Variants in GPC4 observed in about 807,000 individuals in gnomAD.
The protein encoded by GPC4 is glypican 4.
In GPC4, 10 loss-of-function variants were observed where a neutral mutation model predicts 35.0. The ratio of observed to expected loss-of-function variants is 0.29; its 90% CI spans 0.18 to 0.48. GPC4 has a LOEUF of 0.48. Among genes scored for constraint, GPC4 ranks in the 20% least tolerant of loss-of-function variants. The pLI, the probability that GPC4 is intolerant of heterozygous loss-of-function variation, is 0.99. For synonymous variants in GPC4, 167 were observed against 170.2 expected (o/e 0.98, Z 0.15); for missense variants, 322 against 451.3 (o/e 0.71, Z 2.60).
In GPC4 at chrX:133,318,135, C is replaced by CCT. The variant is rs769198787; in HGVS notation, c.711+6008_711+6009dup. 2.1e-4 allele frequency among the ~76,000 whole-genome samples: 23 copies of CCT among 111,677 alleles called. No homozygotes were observed. The East Asian group carries it at 2.5e-3, about 12-fold the overall frequency. The stretch of plus-strand genomic sequence containing the variant: ...TTGACACCTCCTGTACTCCTACCAT[C>CCT]CTCACCCCTTCCCCACTCCATAGCT... On this transcript the variant is annotated intron_variant, in intron 3 of 8. Transcript: ENST00000370828.
At chrX:133,337,258 C>G (rs966106070) in intron 2 of GPC4, among the ~76,000 whole-genome samples, 1 of 112,280 alleles carries the variant, frequency 8.9e-6, no homozygotes, top group Non-Finnish European at 1.9e-5. Context: ...ACTTTCTATC[C>G]TTTTTAAAAA....
At chrX:133,408,406 T>C (rs1366972382) in intron 1 of GPC4, among the ~76,000 whole-genome samples, 1 of 112,231 alleles carries the variant, frequency 8.9e-6, no homozygotes, top group African/African-American at 3.2e-5. Flanking sequence ...TTTAAAGAAG[T>C]GTATCTCAAG....
At chrX:133,305,979 G>C (rs368708875) in intron 5 of GPC4, 45 bp downstream of exon 5, 8 of 1,207,428 alleles carry the variant, frequency 6.6e-6, no homozygotes, top group African/African-American at 5.3e-5. Context: ...AGGCGGAGGC[G>C]GGGGAGGTCC....
chrX:133,339,149 C>A, intron 2 of GPC4, 34 bp downstream of exon 2: 3 of 1,201,221 alleles, frequency 2.5e-6, no homozygotes, highest in Non-Finnish European at 3.4e-6. Context: ...ACAGACCTAA[C>A]TGCCGGTTCT....
chrX:133,386,627 C>T lies in GPC4; in HGVS notation c.160+28179G>A, dbSNP rs151175698. Among the ~76,000 whole-genome samples the T allele has an allele frequency of 9.6e-3, 1,073 of 111,330 alleles. 20 individuals carry two copies. Among genetic ancestry groups the T allele is most frequent in the African/African-American group, 0.034 (1,030 of 30,607 alleles). On this transcript the variant is annotated intron_variant, in intron 1 of 8. Coordinates refer to ENST00000370828, the MANE Select transcript of GPC4 (RefSeq NM_001448.3). ...AGTCAGAAATCTGTCTATTCAGATG[C>T]CCCCTGGCCTCCCTTGTTTTAAGGA...
chrX:133,312,235 T>C (rs1196478504), intron 3 of GPC4, among the ~76,000 whole-genome samples: 2 of 110,937 alleles, frequency 1.8e-5, no homozygotes, highest in Non-Finnish European at 3.8e-5. Flanking sequence ...GACATGTCAC[T>C]GCATCTCAGA....
intron 1 of GPC4, among the ~76,000 whole-genome samples, chrX:133,346,965 A>G (rs2068493861): frequency 1.8e-5 from 2 of 111,466 alleles, no homozygotes; most frequent in South Asian, 3.8e-4. Context: ...TTGGTGATGG[A>G]GGTACAACCT....
chrX:133,375,619 T>C (rs1252494588), intron 1 of GPC4, among the ~76,000 whole-genome samples: 1 of 111,984 alleles, frequency 8.9e-6, no homozygotes, highest in Non-Finnish European at 1.9e-5. Context: ...AATACCATAG[T>C]CTCTGGCCAT....
intron 3 of GPC4, among the ~76,000 whole-genome samples, chrX:133,322,950 G>A (rs1279856487): frequency 1.8e-5 from 2 of 111,629 alleles, no homozygotes; most frequent in African/African-American, 6.5e-5. Context: ...AGGTGGTGGG[G>A]TCTTCAAGAA....
At chrX:133,315,642 T>C (rs925327975) in intron 3 of GPC4, among the ~76,000 whole-genome samples, 2 of 111,578 alleles carry the variant, frequency 1.8e-5, no homozygotes, top group Admixed American at 1.9e-4. Context: ...AACCAAGCAG[T>C]AGATCATGCC....
chrX:133,343,600 T>C (rs1367605071), intron 1 of GPC4, among the ~76,000 whole-genome samples: 1 of 111,704 alleles, frequency 9.0e-6, no homozygotes, highest in Non-Finnish European at 1.9e-5. Flanking sequence ...TTTTTCTTTG[T>C]GGGTCAGTGG....
intron 1 of GPC4, among the ~76,000 whole-genome samples, chrX:133,364,845 G>A (rs993083182): frequency 8.9e-6 from 1 of 111,867 alleles, no homozygotes; most frequent in Non-Finnish European, 1.9e-5. Flanking sequence ...GCTAAAAAAC[G>A]TGCTTCCTAG....
At chrX:133,316,662 T>G (rs895960226) in intron 3 of GPC4, among the ~76,000 whole-genome samples, 1 of 112,019 alleles carries the variant, frequency 8.9e-6, no homozygotes, top group Non-Finnish European at 1.9e-5. Flanking sequence ...TTGGATGAGA[T>G]AACATTGTTT....
intron 1 of GPC4, among the ~76,000 whole-genome samples, chrX:133,379,469 C>T (rs372369320): frequency 3.6e-5 from 4 of 111,760 alleles, no homozygotes; most frequent in East Asian, 2.8e-4. Context: ...TTTGAAGTCA[C>T]GAAAATGTTC....
At chrX:133,356,294 G>T (rs1471014142) in intron 1 of GPC4, among the ~76,000 whole-genome samples, 2 of 111,145 alleles carry the variant, frequency 1.8e-5, no homozygotes, top group African/African-American at 6.6e-5. Flanking sequence ...GCCCAGACTG[G>T]AGTGCAGTGG....
At chrX:133,333,571 A>T (rs1477255787) in intron 2 of GPC4, among the ~76,000 whole-genome samples, 1 of 112,927 alleles carries the variant, frequency 8.9e-6, no homozygotes, top group Non-Finnish European at 1.9e-5. Flanking sequence ...TCACAGAGAG[A>T]TTATAAAAGA....
chrX:133,402,104 C>T (rs2066974962), intron 1 of GPC4, among the ~76,000 whole-genome samples: 1 of 111,992 alleles, frequency 8.9e-6, no homozygotes, highest in Non-Finnish European at 1.9e-5. Flanking sequence ...TGTGAAGTCA[C>T]TGCCAAGAAA....
rs748536584 is a variant in GPC4 at position 133,367,949 on chromosome X, G to A, written c.161-28608C>T. ...GTGCTAGGCGAAACTGGAACAATGA[G>A]CCCCTTTCCTTACCTATAATTTTTC... On this transcript the variant is annotated intron_variant, in intron 1 of 8. Coordinates refer to ENST00000370828, the MANE Select transcript of GPC4 (RefSeq NM_001448.3). Among the ~76,000 whole-genome samples the A allele has an allele frequency of 5.4e-5, 6 of 110,978 alleles. No homozygotes were observed. In the South Asian group the frequency reaches 2.3e-3, roughly 43 times the overall value.
At chrX:133,374,679 CCT>C (rs1244949657) in intron 1 of GPC4, among the ~76,000 whole-genome samples, 1 of 111,838 alleles carries the variant, frequency 8.9e-6, no homozygotes, top group Non-Finnish European at 1.9e-5. Flanking sequence ...ATGCTCAGAT[CCT>C]CTCTGATTAA....
Sources: gnomAD v4.1 joint callset for allele counts (sites outside exome capture counted in the v4.1 genomes callset) on GRCh38, gnomAD v4.1.1 for gene constraint, MANE v1.5 for transcripts, NCBI Gene and HGNC (gene_info 2026-07-23, HGNC 2026-07-21) for gene names.